The following ITM2B variants were observed in gnomAD, a reference collection of about 807,000 sequenced individuals.
ITM2B encodes the protein ABri/ADan amyloid peptide.
A neutral mutation model predicts 27.8 loss-of-function variants in ITM2B; 11 were observed. The ratio of observed to expected loss-of-function variants is 0.40; its 90% CI spans 0.25 to 0.66. The LOEUF (loss-of-function observed/expected upper bound fraction) is 0.66. ITM2B is among the 30% of genes least tolerant of loss of function. ITM2B has a pLI of 0.43. For missense variants in ITM2B, 296 were observed against 328.9 expected (o/e 0.90, Z 0.77); for synonymous variants, 114 against 114.3 (o/e 1.00, Z 0.02).
chr13:48,244,992 C>A (rs1001111171), intron 1 of ITM2B, among the ~76,000 whole-genome samples: 1 of 152,132 alleles, frequency 6.6e-6, no homozygotes, highest in Admixed American at 6.5e-5. Context: ...CTTTTACTCA[C>A]CAATATGAAT....
chr13:48,242,983 A>G (rs902952915), intron 1 of ITM2B, among the ~76,000 whole-genome samples: 5 of 152,226 alleles, frequency 3.3e-5, no homozygotes, highest in Non-Finnish European at 7.3e-5. Context: ...CAACTTAGCT[A>G]TCTTGATAGC....
chr13:48,264,203 T>C lies in ITM2B; in HGVS notation c.*2979T>C, dbSNP rs1359081085. On this transcript the variant is annotated 3_prime_UTR_variant, in exon 6 of 6. Transcript: ENST00000647800. ...GCTTCATACAGCTCTGTACAGTTGT[T>C]GACAGTGCCTTTTTTGAAACCTATC... 6.6e-6 allele frequency: 1 copy of C among 152,132 alleles called. No homozygotes were observed. The highest frequency in any genetic ancestry group is 1.5e-5 in the Non-Finnish European group (1 of 68,030). 9.4% of individuals were successfully genotyped at this position (152,132 alleles called of 1,614,324 possible). A position where few individuals can be genotyped will look rare whatever the true frequency, so the allele number is the denominator to read the frequency against.
rs1257626035 is a variant in ITM2B at position 48,264,456 on chromosome 13, T to C, written c.*3232T>C. 6.6e-6 allele frequency: 1 copy of C among 152,202 alleles called. No homozygotes were observed. The highest frequency in any genetic ancestry group is 6.5e-5 in the Admixed American group (1 of 15,268). 9.4% of individuals were successfully genotyped at this position (152,202 alleles called of 1,614,324 possible). A position where few individuals can be genotyped will look rare whatever the true frequency, so the allele number is the denominator to read the frequency against. On this transcript the variant is annotated 3_prime_UTR_variant, in exon 6 of 6. Transcript: ENST00000647800. ...ATGAAAAGGCAAATGGATTATTGAA[T>C]AGAAAAGGTCTAGATTCTATGTTTG...
intron 1 of ITM2B, among the ~76,000 whole-genome samples, chr13:48,246,231 A>G (rs945067321): frequency 6.6e-6 from 1 of 152,260 alleles, no homozygotes. Flanking sequence ...ACAGAAGGTC[A>G]GAGGCCTTTG....
At chr13:48,237,705 T>C (rs1477642953) in intron 1 of ITM2B, among the ~76,000 whole-genome samples, 1 of 152,228 alleles carries the variant, frequency 6.6e-6, no homozygotes, top group East Asian at 1.9e-4. Flanking sequence ...TAAATGTACA[T>C]AGAAACATGT....
intron 1 of ITM2B, among the ~76,000 whole-genome samples, chr13:48,240,345 A>T (rs1424161240): frequency 6.6e-6 from 1 of 152,060 alleles, no homozygotes; most frequent in Non-Finnish European, 1.5e-5. Flanking sequence ...AGCTGGGATT[A>T]CAGGCACCTG....
At position 48,238,867 on chromosome 13, in the gene ITM2B, G is replaced by A. The variant is rs551551432; in HGVS notation, c.117+5390G>A. 4.6e-5 allele frequency among the ~76,000 whole-genome samples: 7 copies of A among 152,180 alleles called. No homozygotes were observed. The South Asian group carries it at 1.2e-3, about 27-fold the overall frequency. On this transcript the variant is annotated intron_variant, in intron 1 of 5. Transcript: ENST00000647800. ...GCAAGTTTATTAAGAAAGTAAAGGA[G>A]TAAAAGAATGGTACTGCATAGGCAG...
intron 5 of ITM2B, 41 bp downstream of exon 5, chr13:48,258,988 C>T (rs746417657): frequency 2.0e-6 from 3 of 1,508,256 alleles, no homozygotes; most frequent in East Asian, 4.6e-5. Flanking sequence ...CAGAAAAGTT[C>T]ATTGCATTAA....
rs1951851076 is a variant in ITM2B, at chr13:48,266,000, C to CT, written c.*4778dup. ...GGGCACCTGACACATAGTTGCAGCT[C>CT]TTATTTATTGAATGAATGAATGATT... On this transcript the variant is annotated 3_prime_UTR_variant, in exon 6 of 6. Transcript: ENST00000647800. The CT allele has an allele frequency of 6.6e-6, 1 of 152,172 alleles. No homozygotes were observed. The highest frequency in any genetic ancestry group is 2.1e-4 in the South Asian group (1 of 4,830). The allele number at this position is 152,172 out of a possible 1,614,324, so 9.4% of individuals were successfully genotyped here. A position where few individuals can be genotyped will look rare whatever the true frequency, so the allele number is the denominator to read the frequency against.
intron 1 of ITM2B, among the ~76,000 whole-genome samples, chr13:48,248,906 G>T (rs1951737752): frequency 6.6e-6 from 1 of 152,170 alleles, no homozygotes; most frequent in African/African-American, 2.4e-5. Flanking sequence ...AAGTTCCCAA[G>T]TTCCCTTTGT....
At chr13:48,234,530 G>T (rs1415648731) in intron 1 of ITM2B, among the ~76,000 whole-genome samples, 1 of 152,088 alleles carries the variant, frequency 6.6e-6, no homozygotes, top group Non-Finnish European at 1.5e-5. Flanking sequence ...GGTGTGCCAC[G>T]TATGAATAAT....
intron 1 of ITM2B, among the ~76,000 whole-genome samples, chr13:48,245,323 C>CAA (rs751736059): frequency 3.1e-5 from 3 of 95,462 alleles, no homozygotes; most frequent in African/African-American, 7.4e-5. Flanking sequence ...GACTCCGTCT[C>CAA]AAAAAAAAAA....
intron 1 of ITM2B, among the ~76,000 whole-genome samples, chr13:48,237,996 A>C (rs1468627306): frequency 6.6e-6 from 1 of 152,198 alleles, no homozygotes; most frequent in Non-Finnish European, 1.5e-5. Context: ...AAGGAAAAGA[A>C]ATTAAGGACT....
chr13:48,236,417 T>G (rs1204600383), intron 1 of ITM2B, among the ~76,000 whole-genome samples: 1 of 152,236 alleles, frequency 6.6e-6, no homozygotes. Flanking sequence ...TACTTGATCT[T>G]GGGCTTAAAT....
chr13:48,258,683 A>G, intron 4 of ITM2B, 114 bp from the exon 5 acceptor site: 1 of 897,246 alleles, frequency 1.1e-6, no homozygotes, highest in Non-Finnish European at 1.8e-6. Context: ...GATGGTGGGT[A>G]GTAGTTTGGC....
intron 1 of ITM2B, among the ~76,000 whole-genome samples, chr13:48,250,207 C>T (rs1043895001): frequency 9.9e-5 from 15 of 152,172 alleles, no homozygotes; most frequent in African/African-American, 3.4e-4. Flanking sequence ...GCTAAATAGC[C>T]ACAGTTTGTT....
chr13:48,242,792 T>C (rs1391519380), intron 1 of ITM2B, among the ~76,000 whole-genome samples: 1 of 152,156 alleles, frequency 6.6e-6, no homozygotes, highest in African/African-American at 2.4e-5. Flanking sequence ...CTTATATCTT[T>C]TTTTTCTTTT....
chr13:48,258,240 TA>T lies in ITM2B; in HGVS notation c.564+6del. On this transcript the variant is annotated splice_donor_5th_base_variant and intron_variant, in intron 4 of 5. Transcript: ENST00000647800. Reference sequence around the variant, plus strand: ...GGAGTTACTTATTAACATCAAGGTATAAGAATGTTGACTGTTTTTGATGAAT... The same window carrying T: ...GGAGTTACTTATTAACATCAAGGTATAGAATGTTGACTGTTTTTGATGAAT... The T allele has an allele frequency of 7.2e-7, 1 of 1,383,254 alleles. No homozygotes were observed. Among genetic ancestry groups the T allele is most frequent in the Non-Finnish European group, 1.0e-6 (1 of 969,550 alleles). 85.7% of individuals were successfully genotyped at this position (1,383,254 alleles called of 1,614,324 possible).
chr13:48,250,720 A>AAT (rs1951751148), intron 1 of ITM2B, among the ~76,000 whole-genome samples: 1 of 152,210 alleles, frequency 6.6e-6, no homozygotes, highest in African/African-American at 2.4e-5. Flanking sequence ...ATGCAAAATG[A>AAT]ATATGAATGG....
Sources: gnomAD v4.1 joint callset for allele counts (sites outside exome capture counted in the v4.1 genomes callset) on GRCh38, gnomAD v4.1.1 for gene constraint, MANE v1.5 for transcripts, NCBI Gene and HGNC (gene_info 2026-07-23, HGNC 2026-07-21) for gene names.